SOS1: variants seen among roughly 807,000 people sequenced by gnomAD.
SOS1 encodes the protein son of sevenless homolog 1.
SOS1 carries 25 observed loss-of-function variants against 157.6 expected under a neutral mutation model. The observed-to-expected ratio is 0.16, with a 90% CI of 0.12 to 0.22. The LOEUF is 0.22. SOS1 is among the 10% of genes least tolerant of loss of function. SOS1 has a pLI of 1.00. For missense variants in SOS1, 1,237 were observed against 1,599.1 expected, an observed-to-expected ratio of 0.77 and a Z score of 3.86; for synonymous variants, 528 against 534.0, an observed-to-expected ratio of 0.99 and a Z score of 0.16.
At chr2:39,050,137 T>C (rs1026534877) in intron 6 of SOS1, among the ~76,000 whole-genome samples, 1 of 152,206 alleles carries the variant, frequency 6.6e-6, no homozygotes, top group African/African-American at 2.4e-5. Context: ...ACCATTCTAT[T>C]TTGCCTGAAA....
chr2:39,054,335 A>G (rs1671132353), intron 5 of SOS1, among the ~76,000 whole-genome samples: 1 of 152,348 alleles, frequency 6.6e-6, no homozygotes, highest in East Asian at 1.9e-4. Flanking sequence ...TCAAACAAAC[A>G]TATCTTCCAC....
At chr2:39,000,571 T>A (rs766523835) in intron 17 of SOS1, among the ~76,000 whole-genome samples, 3 of 152,176 alleles carry the variant, frequency 2.0e-5, no homozygotes, top group Non-Finnish European at 2.9e-5. Context: ...GGCTGAGGTT[T>A]CACCTTTTTT....
rs199507940 is a variant in SOS1, at chr2:39,080,673, A to G, written c.88-12920T>C. 3.9e-5 allele frequency among the ~76,000 whole-genome samples: 6 copies of G among 152,230 alleles called. No homozygotes were observed. The East Asian group carries it at 1.2e-3, about 29-fold the overall frequency. On this transcript the variant is annotated intron_variant, in intron 1 of 22. Transcript: ENST00000402219. ...TTTAATTTGGATGCTGAGTATTGAG[A>G]AAAACAAATAAATTGATACAACTAT...
chr2:39,074,993 T>C (rs1386528397), intron 1 of SOS1, among the ~76,000 whole-genome samples: 3 of 152,046 alleles, frequency 2.0e-5, no homozygotes, highest in African/African-American at 4.8e-5. Context: ...TTGTATATCA[T>C]GCTAAGGAGT....
At chr2:39,068,195 G>C (rs1235231032) in intron 1 of SOS1, among the ~76,000 whole-genome samples, 1 of 152,218 alleles carries the variant, frequency 6.6e-6, no homozygotes, top group East Asian at 1.9e-4. Flanking sequence ...TGACCTAGAA[G>C]TCAGGAGTTC....
intron 12 of SOS1, 122 bp downstream of exon 12, chr2:39,013,745 G>T (rs1669538814): frequency 1.0e-6 from 1 of 963,640 alleles, no homozygotes. Flanking sequence ...GCTCTAATTA[G>T]TAAATTTAAT....
At chr2:39,078,017 G>A (rs1022391829) in intron 1 of SOS1, among the ~76,000 whole-genome samples, 1 of 152,036 alleles carries the variant, frequency 6.6e-6, no homozygotes, top group African/African-American at 2.4e-5. Context: ...CACACACTGG[G>A]ACACATATAA....
In SOS1 at chr2:39,069,141, T is replaced by C. The variant is rs188160112; in HGVS notation, c.88-1388A>G. On this transcript the variant is annotated intron_variant, in intron 1 of 22. Coordinates refer to ENST00000402219, the MANE Select transcript of SOS1 (RefSeq NM_005633.4). ...AAGGAGGAACACTTAAGGCCAGGAG[T>C]TCAGGACCAGCCTAAGCAACACAGG... is the stretch of plus-strand genomic sequence containing the variant. Among the ~76,000 whole-genome samples the C allele has an allele frequency of 2.2e-3, 280 of 130,168 alleles. 1 individual carries two copies. Among genetic ancestry groups the C allele is most frequent in the South Asian group, 3.9e-3 (15 of 3,806 alleles). The allele number at this position is 130,168 out of a possible 152,430, so 85.4% of individuals were successfully genotyped here.
At chr2:39,112,504 T>C (rs537103304) in intron 1 of SOS1, among the ~76,000 whole-genome samples, 2 of 152,120 alleles carry the variant, frequency 1.3e-5, no homozygotes, top group African/African-American at 4.8e-5. Context: ...TGTTTCACCA[T>C]GTTGCCCAGG....
At position 39,120,720 on chromosome 2, in the gene SOS1, C is replaced by T. The variant is rs1673849247; in HGVS notation, c.-298G>A. Among the ~76,000 whole-genome samples the T allele has an allele frequency of 6.8e-6, 1 of 146,870 alleles. No homozygotes were observed. Among genetic ancestry groups the T allele is most frequent in the East Asian group, 2.0e-4 (1 of 5,120 alleles). On this transcript the variant is annotated 5_prime_UTR_variant, in exon 1 of 23. Transcript: ENST00000402219. ...CCGCCCCTCCCCGGCCCGCCGGCGC[C>T]GCCCCGGGCTGCCCTCTGCCGCGGC...
chr2:39,021,859 T>C (rs1381311935), intron 10 of SOS1, among the ~76,000 whole-genome samples: 1 of 151,796 alleles, frequency 6.6e-6, no homozygotes, highest in Admixed American at 6.6e-5. Context: ...ATAGAAAAGG[T>C]TGGTGAAGCA....
chr2:39,098,322 T>A, intron 1 of SOS1: 2 of 259,538 alleles, frequency 7.7e-6, no homozygotes, highest in Non-Finnish European at 1.5e-5. Context: ...TACTGTTGCT[T>A]ACAATACTTT....
Position 38,982,053 on chromosome 2 carries a change from A to C in SOS1, c.*3771T>G, listed in dbSNP as rs1558452227. 6.6e-6 allele frequency: 1 copy of C among 152,202 alleles called. No homozygotes were observed. Among genetic ancestry groups the C allele is most frequent in the Non-Finnish European group, 1.5e-5 (1 of 68,028 alleles). 9.4% of individuals were successfully genotyped at this position (152,202 alleles called of 1,614,324 possible). A position where few individuals can be genotyped will look rare whatever the true frequency, so the allele number is the denominator to read the frequency against. On this transcript the variant is annotated 3_prime_UTR_variant, in exon 23 of 23. Transcript: ENST00000402219. ...GCTCTCCCTAAGCCACACCACATGT[A>C]CCTTCCATCATCTGTTATGCATCTT...
intron 1 of SOS1, among the ~76,000 whole-genome samples, chr2:39,085,865 C>A (rs1282711422): frequency 6.6e-6 from 1 of 152,110 alleles, no homozygotes; most frequent in African/African-American, 2.4e-5. Context: ...CCTCAAGGAG[C>A]TTAGAAGTAC....
chr2:39,070,551 A>G (rs1671760085), intron 1 of SOS1, among the ~76,000 whole-genome samples: 2 of 152,138 alleles, frequency 1.3e-5, no homozygotes, highest in African/African-American at 4.8e-5. Context: ...ATAACCCCAA[A>G]TCTATCCCTA....
intron 1 of SOS1, among the ~76,000 whole-genome samples, chr2:39,116,661 G>A (rs1463891652): frequency 6.6e-6 from 1 of 152,176 alleles, no homozygotes; most frequent in Non-Finnish European, 1.5e-5. Flanking sequence ...CTTGAGCCCA[G>A]GAGTTCAAGA....
Position 39,108,598 on chromosome 2 carries a change from G to C in SOS1, c.87+11738C>G, listed in dbSNP as rs148790076. 8.3e-4 allele frequency among the ~76,000 whole-genome samples: 126 copies of C among 152,142 alleles called. 1 individual carries two copies. In the South Asian group the frequency reaches 0.017, roughly 21 times the overall value. On this transcript the variant is annotated intron_variant, in intron 1 of 22. Transcript: ENST00000402219. Reference sequence around the variant, plus strand: ...TTATGGTCCCACTTCCATTTAAAAAGTCACTTCTGGCCAGGCACAGTGGCT... The same window carrying C: ...TTATGGTCCCACTTCCATTTAAAAACTCACTTCTGGCCAGGCACAGTGGCT...
intron 9 of SOS1, among the ~76,000 whole-genome samples, chr2:39,023,523 T>C (rs1201903714): frequency 6.6e-6 from 1 of 152,002 alleles, no homozygotes; most frequent in Non-Finnish European, 1.5e-5. Flanking sequence ...TAATAAAAAG[T>C]AGCCCAATAC....
chr2:38,986,735 G>T (rs948105732), intron 22 of SOS1, among the ~76,000 whole-genome samples: 1 of 152,056 alleles, frequency 6.6e-6, no homozygotes, highest in Non-Finnish European at 1.5e-5. Context: ...AAAGTTTGCC[G>T]TAGTTTTTAC....
Sources: allele counts gnomAD v4.1 joint callset (sites outside exome capture counted in the v4.1 genomes callset), GRCh38; gene constraint gnomAD v4.1.1; transcripts MANE v1.5; gene names NCBI Gene and HGNC (gene_info 2026-07-23, HGNC 2026-07-21).